LUZP2: variants seen among roughly 807,000 people sequenced by gnomAD.
The protein encoded by LUZP2 is leucine zipper protein 2.
Under a neutral mutation model 51.6 loss-of-function variants are expected in LUZP2, and 52 were observed. The ratio of observed to expected loss-of-function variants is 1.01; its 90% confidence interval spans 0.81 to 1.27. The LOEUF is 1.27. Among genes scored for constraint, LUZP2 ranks in the 50% most tolerant of loss-of-function variants. The probability of loss-of-function intolerance (pLI) is 0.00; values close to 1 mark genes in which losing one functional copy is unlikely to be tolerated. For missense variants in LUZP2, 436 were observed against 395.4 expected (o/e 1.10, Z -0.87); for synonymous variants, 154 against 137.3 (o/e 1.12, Z -0.85).
At chr11:24,748,050 C>G (rs2631417) in intron 4 of LUZP2, among the ~76,000 whole-genome samples, 1,958 of 152,154 alleles carry the variant, frequency 0.013, 45 homozygotes, top group African/African-American at 0.044. Context: ...GGATTTGTAC[C>G]CTTCCCCCAG....
chr11:25,019,182 C>T (rs1320563754), intron 9 of LUZP2, among the ~76,000 whole-genome samples: 1 of 152,126 alleles, frequency 6.6e-6, no homozygotes, highest in Non-Finnish European at 1.5e-5. Context: ...ATGTGTCCCA[C>T]CTTATAGTAT....
intron 9 of LUZP2, among the ~76,000 whole-genome samples, chr11:25,016,643 G>A (rs5790449): frequency 0.19 from 12,669 of 66,428 alleles, 1,717 homozygotes; most frequent in African/African-American, 0.33. Flanking sequence ...TTGTGTCTGT[G>A]TGTACCACAT....
At chr11:24,846,764 G>T (rs561087353) in intron 5 of LUZP2, among the ~76,000 whole-genome samples, 131 of 151,928 alleles carry the variant, frequency 8.6e-4, no homozygotes, top group African/African-American at 3.0e-3. Context: ...ACAATAATCC[G>T]CAGTTATTTG....
chr11:24,645,603 A>AATTT (rs1363086693), intron 1 of LUZP2, among the ~76,000 whole-genome samples: 3 of 152,126 alleles, frequency 2.0e-5, no homozygotes, highest in Non-Finnish European at 2.9e-5. Flanking sequence ...TGCTGTATCC[A>AATTT]ATTTATCTAA....
intron 5 of LUZP2, among the ~76,000 whole-genome samples, chr11:24,900,156 G>T (rs1853229096): frequency 6.6e-6 from 1 of 152,086 alleles, no homozygotes; most frequent in Non-Finnish European, 1.5e-5. Context: ...CCAGGATTTT[G>T]TTATCTTCTA....
At chr11:24,592,249 T>C (rs2133844507) in intron 1 of LUZP2, among the ~76,000 whole-genome samples, 1 of 152,354 alleles carries the variant, frequency 6.6e-6, no homozygotes, top group Non-Finnish European at 1.5e-5. Context: ...TATAATTTTC[T>C]TGATGTTTCA....
At chr11:24,882,757 A>G (rs1323812435) in intron 5 of LUZP2, among the ~76,000 whole-genome samples, 1 of 137,122 alleles carries the variant, frequency 7.3e-6, no homozygotes, top group East Asian at 2.4e-4. Context: ...TAGGTAACTC[A>G]TTGCTTTTTA....
At chr11:25,039,634 G>T (rs533388825) in intron 9 of LUZP2, among the ~76,000 whole-genome samples, 1 of 152,244 alleles carries the variant, frequency 6.6e-6, no homozygotes, top group East Asian at 1.9e-4. Context: ...AGATCCCCCT[G>T]CCAGCTCACA....
At chr11:24,960,146 G>T (rs1046099559) in intron 7 of LUZP2, among the ~76,000 whole-genome samples, 1 of 152,100 alleles carries the variant, frequency 6.6e-6, no homozygotes, top group Non-Finnish European at 1.5e-5. Flanking sequence ...GCTGGATTCG[G>T]TTTGCCAGTA....
At chr11:24,563,991 T>G (rs1226745967) in intron 1 of LUZP2, among the ~76,000 whole-genome samples, 1 of 152,162 alleles carries the variant, frequency 6.6e-6, no homozygotes, top group Non-Finnish European at 1.5e-5. Flanking sequence ...GAAAAGTAAG[T>G]TAGCTGCCCA....
chr11:24,626,056 G>A (rs1044370420), intron 1 of LUZP2, among the ~76,000 whole-genome samples: 2 of 152,128 alleles, frequency 1.3e-5, no homozygotes, highest in African/African-American at 4.8e-5. Context: ...GGTTTTCTGA[G>A]TCTCTGTGTT....
chr11:24,519,776 T>A (rs1850586250), intron 1 of LUZP2, among the ~76,000 whole-genome samples: 1 of 152,242 alleles, frequency 6.6e-6, no homozygotes, highest in Admixed American at 6.5e-5. Flanking sequence ...ATTCTAATGA[T>A]AATATGCATC....
chr11:24,887,020 C>T (rs78825357), intron 5 of LUZP2, among the ~76,000 whole-genome samples: 6,059 of 152,054 alleles, frequency 0.04, 390 homozygotes, highest in African/African-American at 0.13. Flanking sequence ...GATCTGTGAC[C>T]AGGGGTTTCC....
chr11:25,020,871 A>G (rs1857313797), intron 9 of LUZP2, among the ~76,000 whole-genome samples: 1 of 152,120 alleles, frequency 6.6e-6, no homozygotes, highest in Admixed American at 6.6e-5. Context: ...TATATCCAAG[A>G]GAATAATTTG....
intron 5 of LUZP2, among the ~76,000 whole-genome samples, chr11:24,894,680 C>A (rs1187212089): frequency 1.9e-5 from 2 of 107,414 alleles, no homozygotes; most frequent in Non-Finnish European, 3.9e-5. Context: ...GTTTAACTCC[C>A]TCTTATACAC....
rs183323714 is a variant in LUZP2, at chr11:24,662,286, A to C, written c.63-66883A>C. Among the ~76,000 whole-genome samples, 18 of 152,284 alleles carry C rather than the reference A, an allele frequency of 1.2e-4. 1 individual carries two copies. Among genetic ancestry groups the C allele is most frequent in the Admixed American group, 1.2e-3 (18 of 15,274 alleles). On this transcript the variant is annotated intron_variant, in intron 1 of 11. Coordinates refer to ENST00000336930, the MANE Select transcript of LUZP2 (RefSeq NM_001009909.4). Reference sequence around the variant, plus strand: ...AAAACAAAACAGTTTTCTGTGAAAAAAAAATCAACAATTGTAGACCATGAA... The same window carrying C: ...AAAACAAAACAGTTTTCTGTGAAAACAAAATCAACAATTGTAGACCATGAA...
intron 5 of LUZP2, among the ~76,000 whole-genome samples, chr11:24,827,024 T>A (rs1315246205): frequency 6.6e-6 from 1 of 152,160 alleles, no homozygotes; most frequent in Non-Finnish European, 1.5e-5. Flanking sequence ...TCATTGGGTT[T>A]TCAATTTAAA....
chr11:24,824,148 G>T (rs896393890), intron 5 of LUZP2, among the ~76,000 whole-genome samples: 17 of 151,728 alleles, frequency 1.1e-4, no homozygotes, highest in African/African-American at 4.1e-4. Context: ...CGGATCACCT[G>T]AGGTCGGGAG....
At chr11:24,925,380 A>T (rs1266628871) in intron 7 of LUZP2, among the ~76,000 whole-genome samples, 2 of 152,160 alleles carry the variant, frequency 1.3e-5, no homozygotes, top group Non-Finnish European at 2.9e-5. Context: ...GGGGGCTTAG[A>T]GTTTTATTTT....
Sources: gnomAD v4.1 joint callset for allele counts (sites outside exome capture counted in the v4.1 genomes callset) on GRCh38, gnomAD v4.1.1 for gene constraint, MANE v1.5 for transcripts, NCBI Gene and HGNC (gene_info 2026-07-23, HGNC 2026-07-21) for gene names.